Variants in SRC observed in about 807,000 individuals in gnomAD.
SRC encodes SRC proto-oncogene, non-receptor tyrosine kinase.
SRC carries 13 observed loss-of-function variants against 62.9 expected under a neutral mutation model. The ratio of observed to expected loss-of-function variants is 0.21; its 90% CI spans 0.13 to 0.33. The LOEUF is 0.33. SRC is among the 10% of genes least tolerant of loss of function. The probability of loss-of-function intolerance (pLI) is 1.00; values close to 1 mark genes in which losing one functional copy is unlikely to be tolerated. For missense variants in SRC, 457 were observed against 737.3 expected (o/e 0.62, Z 4.40); for synonymous variants, 302 against 317.5 (o/e 0.95, Z 0.52).
intron 2 of SRC, among the ~76,000 whole-genome samples, chr20:37,369,745 G>C (rs561379553): frequency 6.6e-6 from 1 of 151,852 alleles, no homozygotes; most frequent in Non-Finnish European, 1.5e-5. Flanking sequence ...GTCTTTTACC[G>C]TTAAGTAGGA....
Position 37,386,148 on chromosome 20 carries a change from C to G in SRC, c.324C>G (p.Gly108=), listed in dbSNP as rs2070452072. 8.1e-6 allele frequency: 13 copies of G among 1,614,188 alleles called. No homozygotes were observed. Among genetic ancestry groups the G allele is most frequent in the Non-Finnish European group, 1.1e-5 (13 of 1,180,020 alleles). Residue 108 remains glycine (G), a synonymous_variant, in exon 5 of 14, where the codon GGC becomes GGG. Coordinates refer to ENST00000373578, the MANE Select transcript of SRC (RefSeq NM_198291.3). ...AGACAGACCTGTCCTTCAAGAAAGG[C>G]GAGCGGCTCCAGATTGTCAACAACA... ...RTETDLSFKK[G]ERLQIVNNTE... is the part of the protein sequence containing the mutation.
chr20:37,362,692 G>A (rs1299789892), intron 1 of SRC, among the ~76,000 whole-genome samples: 1 of 152,122 alleles, frequency 6.6e-6, no homozygotes, highest in South Asian at 2.1e-4. Flanking sequence ...ACCCCGTTAC[G>A]GGGCGGCCTG....
In SRC at chr20:37,394,228, A is replaced by G. The variant is rs1346640182; in HGVS notation, c.504A>G (p.Ala168=). 6.2e-6 allele frequency: 10 copies of G among 1,613,972 alleles called. No individual in the cohort carries two copies. Among genetic ancestry groups the G allele is most frequent in the Non-Finnish European group, 8.5e-6 (10 of 1,180,048 alleles). The change falls in exon 7 of 14, where the codon GCA becomes GCG. Residue 168 remains alanine (A), a synonymous_variant. Coordinates refer to ENST00000373578, the MANE Select transcript of SRC (RefSeq NM_198291.3). ...RRESERLLLN[A]ENPRGTFLVR... ...AGTCAGAGCGGTTACTGCTCAATGC[A>G]GAGAACCCGAGAGGGACCTTCCTCG...
intron 3 of SRC, among the ~76,000 whole-genome samples, 176 bp from the exon 4 acceptor site, chr20:37,383,974 G>T (rs1413346449): frequency 6.6e-6 from 1 of 151,626 alleles, no homozygotes; most frequent in African/African-American, 2.4e-5. Flanking sequence ...GATCTCAAGT[G>T]ATCCGCCCGC....
chr20:37,348,449 T>C (rs2069754007), intron 1 of SRC, among the ~76,000 whole-genome samples: 1 of 152,070 alleles, frequency 6.6e-6, no homozygotes, highest in African/African-American at 2.4e-5. Flanking sequence ...GTGACCCCTG[T>C]ATTGAGCACC....
chr20:37,368,786 C>A (rs1208664987), intron 2 of SRC, among the ~76,000 whole-genome samples: 1 of 151,664 alleles, frequency 6.6e-6, no homozygotes. Context: ...CTCCTGACCT[C>A]GTGATCCGCC....
chr20:37,388,134 C>T (rs1008635494), intron 5 of SRC, among the ~76,000 whole-genome samples: 4 of 152,184 alleles, frequency 2.6e-5, no homozygotes, highest in Admixed American at 6.5e-5. Context: ...CTCTACCAAG[C>T]GTCTCAGACT....
chr20:37,370,146 C>T (rs1002440663), intron 2 of SRC, among the ~76,000 whole-genome samples: 1 of 152,168 alleles, frequency 6.6e-6, no homozygotes, highest in Non-Finnish European at 1.5e-5. Context: ...TGAGGAGGTT[C>T]CCTTCTATCG....
chr20:37,393,734 C>T (rs2070591166), intron 5 of SRC, 161 bp from the exon 6 acceptor site: 2 of 590,430 alleles, frequency 3.4e-6, no homozygotes, highest in African/African-American at 1.9e-5. Flanking sequence ...TCCAGGCCAG[C>T]TGGACCTGGC....
intron 2 of SRC, among the ~76,000 whole-genome samples, chr20:37,370,460 A>G (rs1192860237): frequency 2.0e-5 from 3 of 152,326 alleles, no homozygotes. Flanking sequence ...CTGTAATCCC[A>G]GCTACTTGGG....
intron 1 of SRC, among the ~76,000 whole-genome samples, chr20:37,352,510 A>G (rs2069819775): frequency 6.6e-6 from 1 of 152,208 alleles, no homozygotes; most frequent in African/African-American, 2.4e-5. Context: ...CTTCTGCCTT[A>G]GCCCTTGCCT....
rs188478891 is a variant in SRC, at chr20:37,351,480, C to T, written c.-247+5225C>T. 9.2e-5 allele frequency among the ~76,000 whole-genome samples: 14 copies of T among 152,196 alleles called. No individual in the cohort carries two copies. Among genetic ancestry groups the T allele is most frequent in the Admixed American group, 7.8e-4 (12 of 15,290 alleles). On this transcript the variant is annotated intron_variant, in intron 1 of 13. Coordinates refer to ENST00000373578, the MANE Select transcript of SRC (RefSeq NM_198291.3). The surrounding 1 kb of genome is among the most constrained non-coding windows in gnomAD (Gnocchi z 4.4). ...TGGACCCACTGAGAAACTTTAGGAACGGGTTCTTTTGAACCCTTGGACCTG... is the reference window on the plus strand; with the variant it reads ...TGGACCCACTGAGAAACTTTAGGAATGGGTTCTTTTGAACCCTTGGACCTG...
In SRC at chr20:37,404,407, G is replaced by A. The variant is rs1030630441; in HGVS notation, c.*1028G>A. 3.4e-5 allele frequency: 8 copies of A among 233,454 alleles called. No individual in the cohort carries two copies. The highest frequency in any genetic ancestry group is 1.2e-4 in the East Asian group (2 of 16,588). 14.5% of individuals were successfully genotyped at this position (233,454 alleles called of 1,614,324 possible). ...GGCTATGAAAGGGAGCGAGCCCCTC[G>A]GCTCTGGAGGCAATCAAGCAGACAT... On this transcript the variant is annotated 3_prime_UTR_variant, in exon 14 of 14. Coordinates refer to ENST00000373578, the MANE Select transcript of SRC (RefSeq NM_198291.3).
rs1369604754 is a variant in SRC, at chr20:37,398,591, T to C, written c.859+737T>C. ...GATGGAGGAGAGCAGAGCGGCCTCC[T>C]GGGTGGAAGGCACTGCAGGGACAGA... is the stretch of plus-strand genomic sequence containing the variant. On this transcript the variant is annotated intron_variant, in intron 9 of 13. Coordinates refer to ENST00000373578, the MANE Select transcript of SRC (RefSeq NM_198291.3). The surrounding 1 kb of genome is among the most constrained non-coding windows in gnomAD (Gnocchi z 5.2). 6.6e-6 allele frequency among the ~76,000 whole-genome samples: 1 copy of C among 152,124 alleles called. No individual in the cohort carries two copies. Among genetic ancestry groups the C allele is most frequent in the Non-Finnish European group, 1.5e-5 (1 of 68,018 alleles).
rs1379872229 is a variant in SRC, at chr20:37,351,688, T to G, written c.-247+5433T>G. ...TCGATATCTTCATGTCATGCCCTTC[T>G]GAGCTGGGTCATAATAAGGTGACCC... is the stretch of plus-strand genomic sequence containing the variant. On this transcript the variant is annotated intron_variant, in intron 1 of 13. Coordinates refer to ENST00000373578, the MANE Select transcript of SRC (RefSeq NM_198291.3). The surrounding 1 kb of genome is among the most constrained non-coding windows in gnomAD (Gnocchi z 4.4). 1.3e-5 allele frequency among the ~76,000 whole-genome samples: 2 copies of G among 152,214 alleles called. No homozygotes were observed. The highest frequency in any genetic ancestry group is 2.9e-5 in the Non-Finnish European group (2 of 68,028).
intron 9 of SRC, 123 bp from the exon 10 acceptor site, chr20:37,399,992 T>A: frequency 1.1e-6 from 1 of 913,770 alleles, no homozygotes; most frequent in Non-Finnish European, 1.6e-6. Flanking sequence ...AGGCTTTGAC[T>A]GGGTTTGTCA....
At chr20:37,346,399 C>T (rs975419778) in intron 1 of SRC, 144 bp downstream of exon 1, 2 of 151,194 alleles carry the variant, frequency 1.3e-5, no homozygotes, top group African/African-American at 2.4e-5. Context: ...CGGGCCAAGC[C>T]GCGATACCCA....
intron 2 of SRC, among the ~76,000 whole-genome samples, chr20:37,373,327 TACAC>T (rs373666936): frequency 1.5e-3 from 222 of 149,426 alleles, no homozygotes; most frequent in East Asian, 2.7e-3. Flanking sequence ...TGTACACACA[TACAC>T]ACATGTACAC....
intron 9 of SRC, among the ~76,000 whole-genome samples, chr20:37,399,306 AGT>A: frequency 6.6e-6 from 1 of 152,138 alleles, no homozygotes; most frequent in Admixed American, 6.5e-5. Flanking sequence ...TGCTTAGGAC[AGT>A]GTCTCATTTT....
Sources: gnomAD v4.1 joint callset for allele counts (sites outside exome capture counted in the v4.1 genomes callset) on GRCh38, gnomAD v4.1.1 for gene constraint, Gnocchi (gnomAD v3.1) non-coding constraint, MANE v1.5 for transcripts, NCBI Gene and HGNC (gene_info 2026-07-23, HGNC 2026-07-21) for gene names.